ZSCAN25: variants seen among roughly 807,000 people sequenced by gnomAD.
ZSCAN25 encodes zinc finger and SCAN domain-containing protein 25.
A neutral mutation model predicts 38.7 loss-of-function variants in ZSCAN25; 27 were observed. The observed-to-expected ratio is 0.70, with a 90% CI of 0.51 to 0.96. The LOEUF is 0.96. Ranked by LOEUF, ZSCAN25 falls within the 40% of genes least tolerant of loss-of-function variation. ZSCAN25 has a pLI of 0.00. For synonymous variants in ZSCAN25, 273 were observed against 277.7 expected (o/e 0.98, Z 0.17); for missense variants, 637 against 705.9 (o/e 0.90, Z 1.11).
chr7:99,675,645 CCCCCT>C, the ZSCAN25 span, among the ~76,000 whole-genome samples: 1 of 246 alleles, frequency 4.1e-3, no homozygotes, highest in Admixed American at 0.025. Flanking sequence ...TCCTCTCCTC[CCCCCT>C]CCCCTCCCCT....
the ZSCAN25 span, among the ~76,000 whole-genome samples, chr7:99,703,467 G>T: frequency 3.3e-5 from 5 of 151,668 alleles, no homozygotes; most frequent in African/African-American, 4.8e-5. Flanking sequence ...GAAATATATG[G>T]TTTTTTTTGT....
At position 99,629,701 on chromosome 7, in the gene ZSCAN25, G is replaced by A. The variant is rs1437018007; in HGVS notation, c.1316G>A (p.Ser439Asn). The change falls in exon 8 of 8, where the codon AGC becomes AAC. Residue 439 changes from serine (S) to asparagine (N), a missense_variant. Physicochemically the swap from Ser to Asn is conservative, Grantham distance 46 (BLOSUM62 1). Coordinates refer to ENST00000394152, the MANE Select transcript of ZSCAN25 (RefSeq NM_145115.3). This position sits in a 1 kb window ranked among gnomAD's most constrained non-coding sequence, Gnocchi z 5.6. The stretch of plus-strand genomic sequence containing the variant: ...TACAAGTGCGGGGACTGCTGGAAGA[G>A]CTTCAGCCGCAGGCAGCACCTGCAG... ...KPYKCGDCWK[S>N]FSRRQHLQVH... The A allele has an allele frequency of 6.2e-7, 1 of 1,613,994 alleles. No individual in the cohort carries two copies. The highest frequency in any genetic ancestry group is 1.1e-5 in the South Asian group (1 of 91,076).
the ZSCAN25 span, among the ~76,000 whole-genome samples, chr7:99,725,619 G>C: frequency 2.0e-5 from 3 of 152,190 alleles, no homozygotes; most frequent in Non-Finnish European, 4.4e-5. Flanking sequence ...GTCTGTGTGG[G>C]CTCCAATTAG....
chr7:99,692,999 T>C, the ZSCAN25 span, among the ~76,000 whole-genome samples: 1 of 152,228 alleles, frequency 6.6e-6, no homozygotes, highest in African/African-American at 2.4e-5. Context: ...AATTTTCAGC[T>C]GTTTTGCTCT....
the ZSCAN25 span, chr7:99,674,485 C>A: frequency 1.1e-5 from 16 of 1,505,798 alleles, no homozygotes; most frequent in Non-Finnish European, 1.3e-5. Context: ...GTGGGGTAAC[C>A]TCCTCACAGT....
chr7:99,706,044 A>G, the ZSCAN25 span, among the ~76,000 whole-genome samples: 1 of 152,236 alleles, frequency 6.6e-6, no homozygotes, highest in Admixed American at 6.5e-5. Flanking sequence ...ACAGTCTTCA[A>G]CTTCCACAGT....
the ZSCAN25 span, among the ~76,000 whole-genome samples, chr7:99,736,730 A>G: frequency 6.6e-6 from 1 of 152,200 alleles, no homozygotes; most frequent in Non-Finnish European, 1.5e-5. Context: ...CACCCCAGAA[A>G]GACACCTTTT....
the ZSCAN25 span, among the ~76,000 whole-genome samples, chr7:99,647,087 C>T: frequency 6.6e-6 from 1 of 152,212 alleles, no homozygotes. Flanking sequence ...TGATCAATCC[C>T]TTCTATGTAG....
chr7:99,662,013 T>A, the ZSCAN25 span, among the ~76,000 whole-genome samples: 2 of 152,268 alleles, frequency 1.3e-5, no homozygotes, highest in Admixed American at 6.5e-5. This position sits in a 1 kb window ranked among gnomAD's most constrained non-coding sequence, Gnocchi z 4.3. Flanking sequence ...ACTATTTTCT[T>A]TATCACAGCA....
chr7:99,709,167 TCAAGTCTCATAG>T, the ZSCAN25 span: 1 of 1,614,052 alleles, frequency 6.2e-7, no homozygotes, highest in Non-Finnish European at 8.5e-7. Context: ...GCAGACCCTC[TCAAGTCTCATAG>T]CAACTGGGAA....
chr7:99,676,630 G>A, the ZSCAN25 span: 1 of 1,109,462 alleles, frequency 9.0e-7, no homozygotes, highest in Non-Finnish European at 1.2e-6. Flanking sequence ...ATGAGATTTT[G>A]CATCACTGTA....
the ZSCAN25 span, chr7:99,662,949 G>A: frequency 8.1e-6 from 13 of 1,602,026 alleles, no homozygotes; most frequent in African/African-American, 2.7e-5. This position sits in a 1 kb window ranked among gnomAD's most constrained non-coding sequence, Gnocchi z 4.3. Flanking sequence ...AATCAAAAGT[G>A]CAGTCCTCAA....
chr7:99,731,212 G>C, the ZSCAN25 span: 8 of 1,591,478 alleles, frequency 5.0e-6, no homozygotes. Flanking sequence ...ATAGGGGCTG[G>C]TGAGTCACTG....
chr7:99,680,533 A>T, the ZSCAN25 span, among the ~76,000 whole-genome samples: 2 of 152,124 alleles, frequency 1.3e-5, no homozygotes, highest in South Asian at 4.1e-4. Context: ...CCCTTAGCAG[A>T]GGTGAGCTCC....
chr7:99,672,053 T>G, the ZSCAN25 span, among the ~76,000 whole-genome samples: 1 of 152,132 alleles, frequency 6.6e-6, no homozygotes, highest in Non-Finnish European at 1.5e-5. Flanking sequence ...TTGTTGTTGT[T>G]GTTGTTGTTG....
At chr7:99,706,872 T>C in the ZSCAN25 span, among the ~76,000 whole-genome samples, 1 of 152,236 alleles carries the variant, frequency 6.6e-6, no homozygotes, top group South Asian at 2.1e-4. Flanking sequence ...AAGGCACCAC[T>C]GGGATATTTT....
chr7:99,655,645 A>C, the ZSCAN25 span, among the ~76,000 whole-genome samples: 5 of 152,218 alleles, frequency 3.3e-5, no homozygotes, highest in African/African-American at 1.2e-4. Flanking sequence ...TGGCGATGGC[A>C]CTGAATCTAT....
chr7:99,698,751 T>C, the ZSCAN25 span, among the ~76,000 whole-genome samples: 1 of 152,164 alleles, frequency 6.6e-6, no homozygotes, highest in Non-Finnish European at 1.5e-5. Context: ...CTAACAGCCC[T>C]CTTTCATCAT....
At position 99,621,733 on chromosome 7, in the gene ZSCAN25, G is replaced by T. The variant is rs116242183; in HGVS notation, c.589+159G>T. ...CTCCACCTTAGGAAATAGATGAAGTGAAATTGTTTCTTCTCCCTTTACCCT... is the reference window on the plus strand; with the variant it reads ...CTCCACCTTAGGAAATAGATGAAGTTAAATTGTTTCTTCTCCCTTTACCCT... On this transcript the variant is annotated intron_variant, in intron 5 of 7. Transcript: ENST00000394152. 2,101 of 514,770 alleles carry T rather than the reference G, an allele frequency of 4.1e-3. 36 individuals carry two copies. Among genetic ancestry groups the T allele is most frequent in the African/African-American group, 0.038 (1,934 of 50,748 alleles). 31.9% of individuals were successfully genotyped at this position (514,770 alleles called of 1,614,324 possible). A position where few individuals can be genotyped will look rare whatever the true frequency, so the allele number is the denominator to read the frequency against.
Sources: gnomAD v4.1 joint callset for allele counts (sites outside exome capture counted in the v4.1 genomes callset) on GRCh38, gnomAD v4.1.1 for gene constraint, Gnocchi (gnomAD v3.1) non-coding constraint, MANE v1.5 for transcripts, NCBI Gene and HGNC (gene_info 2026-07-23, HGNC 2026-07-21) for gene names.